EEFSEC: variants seen among roughly 807,000 people sequenced by gnomAD.
The protein encoded by EEFSEC is eukaryotic elongation factor, selenocysteine-tRNA specific, also known as selenocysteine-specific elongation factor.
EEFSEC carries 43 observed loss-of-function variants against 42.1 expected under a neutral mutation model. That is an observed-to-expected ratio of 1.02 (90% CI 0.80 to 1.32). EEFSEC has a LOEUF of 1.32. Among genes scored for constraint, EEFSEC ranks in the 40% most tolerant of loss-of-function variants. The pLI is 0.00. For missense variants in EEFSEC, 745 were observed against 803.6 expected (o/e 0.93, Z 0.88); for synonymous variants, 354 against 339.1 (o/e 1.04, Z -0.48).
At chr3:128,178,401 C>T (rs2065372696) in intron 1 of EEFSEC, among the ~76,000 whole-genome samples, 1 of 152,146 alleles carries the variant, frequency 6.6e-6, no homozygotes, top group African/African-American at 2.4e-5. Context: ...AAAGATCATT[C>T]TTCATGAGAT....
At chr3:128,391,122 G>A (rs978937813) in intron 6 of EEFSEC, among the ~76,000 whole-genome samples, 1 of 152,190 alleles carries the variant, frequency 6.6e-6, no homozygotes, top group Admixed American at 6.5e-5. Context: ...CTGCAGCCCC[G>A]CCCCCGGTGC....
intron 4 of EEFSEC, among the ~76,000 whole-genome samples, chr3:128,281,173 G>A (rs560691284): frequency 5.6e-4 from 86 of 152,336 alleles, no homozygotes; most frequent in African/African-American, 1.9e-3. Flanking sequence ...GTCCAGAGAA[G>A]TTAAGTCACA....
intron 1 of EEFSEC, among the ~76,000 whole-genome samples, chr3:128,214,554 C>A (rs1373754504): frequency 2.0e-5 from 3 of 152,058 alleles, no homozygotes; most frequent in Non-Finnish European, 4.4e-5. Flanking sequence ...GATATGAGAT[C>A]AAAAAATTCA....
rs187489598 is a variant in EEFSEC at position 128,207,433 on chromosome 3, C to T, written c.317-39403C>T. ...CACATTGTTTGTTTTTTAACACCCA[C>T]TCGATTATAAATTGCCAGGGAGGCT... On this transcript the variant is annotated intron_variant, in intron 1 of 6. Transcript: ENST00000254730. Among the ~76,000 whole-genome samples, 5 of 151,964 alleles carry T rather than the reference C, an allele frequency of 3.3e-5. No homozygotes were observed. In the South Asian group the frequency reaches 8.3e-4, roughly 25 times the overall value.
chr3:128,224,753 C>G (rs2065892474), intron 1 of EEFSEC, among the ~76,000 whole-genome samples: 1 of 152,184 alleles, frequency 6.6e-6, no homozygotes, highest in Admixed American at 6.5e-5. Context: ...CTAATAATAA[C>G]TATTCTTTGG....
At chr3:128,162,519 G>A (rs375497830) in intron 1 of EEFSEC, among the ~76,000 whole-genome samples, 23 of 152,322 alleles carry the variant, frequency 1.5e-4, no homozygotes, top group South Asian at 1.0e-3. Context: ...CTTTGTCTGC[G>A]GCACCTTCTC....
chr3:128,200,296 T>C (rs1380099905), intron 1 of EEFSEC, among the ~76,000 whole-genome samples: 1 of 149,064 alleles, frequency 6.7e-6, no homozygotes, highest in East Asian at 2.0e-4. Context: ...CATGAATCTC[T>C]TTTTTTTTTG....
chr3:128,291,795 A>G (rs1279682575), intron 4 of EEFSEC, among the ~76,000 whole-genome samples: 1 of 152,162 alleles, frequency 6.6e-6, no homozygotes, highest in Admixed American at 6.5e-5. Flanking sequence ...GCTTTAATTC[A>G]CTTGCCAGGA....
At chr3:128,208,776 G>A (rs1322305197) in intron 1 of EEFSEC, among the ~76,000 whole-genome samples, 1 of 152,196 alleles carries the variant, frequency 6.6e-6, no homozygotes, top group Non-Finnish European at 1.5e-5. Context: ...ATTGGGAGGG[G>A]CCTGTGAGAA....
intron 6 of EEFSEC, among the ~76,000 whole-genome samples, chr3:128,396,244 G>A (rs1335821384): frequency 1.3e-5 from 2 of 152,192 alleles, no homozygotes; most frequent in South Asian, 2.1e-4. Context: ...AGCTGGCGGC[G>A]CTAGTGGAGA....
intron 1 of EEFSEC, among the ~76,000 whole-genome samples, chr3:128,190,077 G>A (rs1447693385): frequency 6.6e-6 from 1 of 152,132 alleles, no homozygotes; most frequent in African/African-American, 2.4e-5. Context: ...CCCCCAGGCT[G>A]GTCTCGAACT....
At chr3:128,236,938 A>G (rs988969912) in intron 1 of EEFSEC, among the ~76,000 whole-genome samples, 1 of 152,144 alleles carries the variant, frequency 6.6e-6, no homozygotes, top group Non-Finnish European at 1.5e-5. Context: ...GCTCTACCCT[A>G]CTGGACTGTG....
chr3:128,391,417 A>ACCCAGTTG lies in EEFSEC; in HGVS notation c.1601-16652_1601-16651insCCCAGTTG, dbSNP rs1451851781. ...CCAGTTGACCACCAAAGGTGTTTCC[A>ACCCAGTTG]ACCTCGAGGTTCTGGGCCCTGGCTG... On this transcript the variant is annotated intron_variant, in intron 6 of 6. Transcript: ENST00000254730. 2.6e-5 allele frequency among the ~76,000 whole-genome samples: 4 copies of ACCCAGTTG among 152,352 alleles called. No individual in the cohort carries two copies. The East Asian group carries it at 7.7e-4, about 29-fold the overall frequency.
intron 4 of EEFSEC, among the ~76,000 whole-genome samples, chr3:128,333,072 C>T (rs540689964): frequency 3.3e-5 from 5 of 152,258 alleles, no homozygotes; most frequent in Non-Finnish European, 5.9e-5. Context: ...TTTTCCTCTC[C>T]GATTTACATT....
At chr3:128,173,711 A>G (rs1342286443) in intron 1 of EEFSEC, among the ~76,000 whole-genome samples, 2 of 152,226 alleles carry the variant, frequency 1.3e-5, no homozygotes, top group Non-Finnish European at 2.9e-5. Flanking sequence ...TCAAGTGAAC[A>G]TCAAATGATT....
chr3:128,158,207 T>C (rs1944412741), intron 1 of EEFSEC, among the ~76,000 whole-genome samples: 2 of 152,154 alleles, frequency 1.3e-5, no homozygotes, highest in East Asian at 3.9e-4. Flanking sequence ...GGATGAGGAG[T>C]TGCTTCTTGT....
chr3:128,310,114 C>T (rs2066874459), intron 4 of EEFSEC, among the ~76,000 whole-genome samples: 1 of 152,196 alleles, frequency 6.6e-6, no homozygotes, highest in African/African-American at 2.4e-5. Flanking sequence ...AAGCAGGTGT[C>T]ACCATTATCA....
intron 1 of EEFSEC, among the ~76,000 whole-genome samples, chr3:128,226,626 G>A (rs1474529538): frequency 6.6e-6 from 1 of 152,154 alleles, no homozygotes; most frequent in Non-Finnish European, 1.5e-5. Context: ...CCTCTTCTAT[G>A]CTTGCTTAGC....
chr3:128,211,843 CTTTTCTTTT>C (rs2065759453), intron 1 of EEFSEC, among the ~76,000 whole-genome samples: 1 of 79,842 alleles, frequency 1.3e-5, no homozygotes, highest in African/African-American at 5.0e-5. Flanking sequence ...TTTTCTTTTT[CTTTTCTTTT>C]TTTTTTTTTT....
Sources: allele counts gnomAD v4.1 joint callset (sites outside exome capture counted in the v4.1 genomes callset), GRCh38; gene constraint gnomAD v4.1.1; transcripts MANE v1.5; gene names NCBI Gene and HGNC (gene_info 2026-07-23, HGNC 2026-07-21).